PTPRM: variants seen among roughly 807,000 people sequenced by gnomAD.
The protein encoded by PTPRM is protein tyrosine phosphatase receptor type M, also known as receptor-type tyrosine-protein phosphatase mu.
Under a neutral mutation model 186.7 loss-of-function variants are expected in PTPRM, and 47 were observed. That is an observed-to-expected ratio of 0.25 (90% CI 0.20 to 0.32). PTPRM has a LOEUF of 0.32. Among genes scored for constraint, PTPRM ranks in the 10% least tolerant of loss-of-function variants. The probability of loss-of-function intolerance (pLI) is 1.00; values close to 1 mark genes in which losing one functional copy is unlikely to be tolerated. For synonymous variants in PTPRM, 668 were observed against 674.9 expected, an observed-to-expected ratio of 0.99 and a Z score of 0.16; for missense variants, 1,494 against 1,865.0, an observed-to-expected ratio of 0.80 and a Z score of 3.66.
At chr18:8,360,650 G>A (rs776481626) in intron 23 of PTPRM, among the ~76,000 whole-genome samples, 15 of 152,192 alleles carry the variant, frequency 9.9e-5, no homozygotes, top group Non-Finnish European at 1.9e-4. Context: ...AGCACAGTCT[G>A]AAACAGACGC....
At chr18:7,910,545 G>A (rs1347384151) in intron 4 of PTPRM, among the ~76,000 whole-genome samples, 2 of 152,192 alleles carry the variant, frequency 1.3e-5, no homozygotes, top group Non-Finnish European at 2.9e-5. Flanking sequence ...GTGAAGTAGT[G>A]GCCGATGGTC....
Position 8,099,138 on chromosome 18 carries a change from T to TG in PTPRM, c.1856+10287_1856+10288insG, listed in dbSNP as rs1568338543. On this transcript the variant is annotated intron_variant, in intron 11 of 32. Coordinates refer to ENST00000580170, the MANE Select transcript of PTPRM (RefSeq NM_001105244.2). ...ACACACACAGTCTCTCCACAGTCTCTTTCTCTCTCTCTCTCTCTCTTTCTC... is the reference window on the plus strand; with the variant it reads ...ACACACACAGTCTCTCCACAGTCTCTGTTCTCTCTCTCTCTCTCTCTTTCTC... 4.9e-3 allele frequency among the ~76,000 whole-genome samples: 742 copies of TG among 151,482 alleles called. 3 individuals carry two copies. Among genetic ancestry groups the TG allele is most frequent in the African/African-American group, 0.018 (718 of 41,018 alleles).
In PTPRM at chr18:7,937,173, A is replaced by G. The variant is rs145484087; in HGVS notation, c.663+10490A>G. 8.2e-3 allele frequency among the ~76,000 whole-genome samples: 1,242 copies of G among 152,330 alleles called. 7 individuals are homozygous for G. Among genetic ancestry groups the G allele is most frequent in the South Asian group, 0.033 (159 of 4,824 alleles). On this transcript the variant is annotated intron_variant, in intron 5 of 32. Transcript: ENST00000580170. Reference sequence around the variant, plus strand: ...ATGGCAGGGCTGCAAGGGCTATAACACAAGCAGGGCTGAAACATGCTCCTT... The same window carrying G: ...ATGGCAGGGCTGCAAGGGCTATAACGCAAGCAGGGCTGAAACATGCTCCTT...
intron 26 of PTPRM, chr18:8,377,238 T>A (rs533283737): frequency 1.3e-5 from 2 of 152,326 alleles, no homozygotes; most frequent in African/African-American, 4.8e-5. Flanking sequence ...ACCTGGAAAA[T>A]GATTCATGAA....
intron 5 of PTPRM, among the ~76,000 whole-genome samples, chr18:7,948,360 A>T (rs1004603420): frequency 6.6e-6 from 1 of 152,206 alleles, no homozygotes; most frequent in African/African-American, 2.4e-5. Context: ...TAAAATCTCT[A>T]ACCTGCTTTT....
chr18:7,767,316 A>C (rs2042058739), intron 1 of PTPRM, among the ~76,000 whole-genome samples: 1 of 152,230 alleles, frequency 6.6e-6, no homozygotes. Context: ...AGTAGAGATA[A>C]ATTTGGTTTT....
At position 8,380,392 on chromosome 18, in the gene PTPRM, T is replaced by A; in HGVS notation, c.3883T>A (p.Ser1295Thr). The change falls in exon 29 of 33, where the codon TCC becomes ACC. Residue 1295 changes from serine (S) to threonine (T), a missense_variant. Physicochemically the swap from Ser to Thr is moderately conservative, Grantham distance 58. Coordinates refer to ENST00000580170, the MANE Select transcript of PTPRM (RefSeq NM_001105244.2). ...ACTGGTCCTGGATTATCACTGCACA[T>A]CCGTAGTTATGCTAAATGATGTGGA... ...WRLVLDYHCT[S>T]VVMLNDVDPA... is the part of the protein sequence containing the mutation. The A allele has an allele frequency of 6.2e-7, 1 of 1,614,162 alleles. No homozygotes were observed. The highest frequency in any genetic ancestry group is 1.1e-5 in the South Asian group (1 of 91,072).
At chr18:7,867,894 C>G (rs2047792702) in intron 2 of PTPRM, among the ~76,000 whole-genome samples, 2 of 152,104 alleles carry the variant, frequency 1.3e-5, no homozygotes, top group African/African-American at 4.8e-5. Context: ...TTGTTTGTTC[C>G]TTTTCATTGC....
At chr18:8,231,963 CATA>C (rs1191680441) in intron 14 of PTPRM, among the ~76,000 whole-genome samples, 4 of 152,168 alleles carry the variant, frequency 2.6e-5, no homozygotes, top group Admixed American at 6.5e-5. Context: ...GTTCATTCTT[CATA>C]ATGCACCTAC....
At chr18:7,727,682 A>G (rs2040577566) in intron 1 of PTPRM, among the ~76,000 whole-genome samples, 1 of 152,228 alleles carries the variant, frequency 6.6e-6, no homozygotes. Context: ...GGGAAAGTGA[A>G]TATGTGTTTG....
intron 21 of PTPRM, among the ~76,000 whole-genome samples, chr18:8,318,810 A>G (rs1293207585): frequency 6.6e-6 from 1 of 152,240 alleles, no homozygotes; most frequent in Non-Finnish European, 1.5e-5. Flanking sequence ...CCCTTGGCAT[A>G]TTGCCAATGA....
At chr18:7,759,883 G>A (rs536142075) in intron 1 of PTPRM, among the ~76,000 whole-genome samples, 11 of 152,312 alleles carry the variant, frequency 7.2e-5, no homozygotes, top group African/African-American at 2.6e-4. Flanking sequence ...GTTAAGGAGA[G>A]TTGTACGGAA....
intron 23 of PTPRM, among the ~76,000 whole-genome samples, chr18:8,369,018 A>T (rs1314429143): frequency 6.6e-6 from 1 of 152,228 alleles, no homozygotes; most frequent in Non-Finnish European, 1.5e-5. Context: ...GAAGGAGTGC[A>T]GCGTGTGAGA....
intron 2 of PTPRM, among the ~76,000 whole-genome samples, chr18:7,840,542 A>G (rs1020405791): frequency 6.6e-6 from 1 of 152,208 alleles, no homozygotes; most frequent in Non-Finnish European, 1.5e-5. Flanking sequence ...ATTTCTTAGC[A>G]TTCTGGCAGG....
intron 7 of PTPRM, among the ~76,000 whole-genome samples, chr18:7,957,039 G>A (rs937042515): frequency 1.3e-5 from 2 of 152,018 alleles, no homozygotes; most frequent in Non-Finnish European, 2.9e-5. Flanking sequence ...TCCTGTTTTG[G>A]GCATGGCAAT....
intron 14 of PTPRM, among the ~76,000 whole-genome samples, chr18:8,161,781 C>T (rs2093234247): frequency 6.6e-6 from 1 of 152,174 alleles, no homozygotes; most frequent in Non-Finnish European, 1.5e-5. Flanking sequence ...CCCACGTGCT[C>T]ATTCATACCC....
intron 1 of PTPRM, among the ~76,000 whole-genome samples, chr18:7,678,425 T>A (rs1290779840): frequency 6.6e-6 from 1 of 152,180 alleles, no homozygotes; most frequent in African/African-American, 2.4e-5. Flanking sequence ...GTTCTGTATA[T>A]GAGAACTACA....
In PTPRM at chr18:7,806,771, A is replaced by G. The variant is rs565928031; in HGVS notation, c.196+32500A>G. 1.6e-3 allele frequency among the ~76,000 whole-genome samples: 237 copies of G among 152,280 alleles called. 1 individual carries two copies. The highest frequency in any genetic ancestry group is 3.5e-3 in the Admixed American group (54 of 15,292). On this transcript the variant is annotated intron_variant, in intron 2 of 32. Transcript: ENST00000580170. ...AGTTGCCTTTGTAATGTGGAGGTGA[A>G]TTTATAATCTTTGTTTACAAAGAAC...
At chr18:7,980,896 G>C (rs1021244688) in intron 7 of PTPRM, among the ~76,000 whole-genome samples, 1 of 152,132 alleles carries the variant, frequency 6.6e-6, no homozygotes, top group Non-Finnish European at 1.5e-5. Flanking sequence ...GCCTGGCAGG[G>C]CTTTTGTCTG....
Sources: gnomAD v4.1 joint callset for allele counts (sites outside exome capture counted in the v4.1 genomes callset) on GRCh38, gnomAD v4.1.1 for gene constraint, MANE v1.5 for transcripts, NCBI Gene and HGNC (gene_info 2026-07-23, HGNC 2026-07-21) for gene names.